N4BP1: variants seen among roughly 807,000 people sequenced by gnomAD.
The protein encoded by N4BP1 is NEDD4 binding protein 1, also known as NEDD4-binding protein 1.
A neutral mutation model predicts 70.9 loss-of-function variants in N4BP1; 21 were observed. The observed-to-expected ratio is 0.30, with a 90% CI of 0.21 to 0.43. N4BP1 has a LOEUF of 0.43. Among genes scored for constraint, N4BP1 ranks in the 20% least tolerant of loss-of-function variants. The pLI is 1.00. For synonymous variants in N4BP1, 387 were observed against 394.6 expected (o/e 0.98, Z 0.23); for missense variants, 936 against 1,069.4 (o/e 0.88, Z 1.74).
chr16:48,579,039 T>C (rs75870745), intron 1 of N4BP1, among the ~76,000 whole-genome samples: 4 of 140,464 alleles, frequency 2.8e-5, no homozygotes, highest in East Asian at 2.0e-4. Flanking sequence ...CCAAGAGACA[T>C]TGCTGGTTGT....
chr16:48,557,941 T>C (rs559786908), intron 2 of N4BP1, among the ~76,000 whole-genome samples: 19 of 152,216 alleles, frequency 1.2e-4, no homozygotes, highest in Admixed American at 2.0e-4. Context: ...AGCAACTGAT[T>C]TAAAATAAGG....
At chr16:48,551,301 A>C in intron 4 of N4BP1, 85 bp downstream of exon 4, 1 of 932,658 alleles carries the variant, frequency 1.1e-6, no homozygotes. Flanking sequence ...CAGGTCCTCT[A>C]AAAGTGTGGA....
chr16:48,600,552 T>A (rs1005215523), intron 1 of N4BP1: 2 of 579,804 alleles, frequency 3.4e-6, no homozygotes, highest in African/African-American at 1.9e-5. Context: ...AAGCAAAACA[T>A]CCATCTTATC....
chr16:48,585,587 G>A (rs915138080), intron 1 of N4BP1, among the ~76,000 whole-genome samples: 1 of 149,758 alleles, frequency 6.7e-6, no homozygotes, highest in African/African-American at 2.5e-5. Context: ...TGCCCAGACT[G>A]GAGTGCAGTG....
At chr16:48,589,056 A>C (rs1964292657) in intron 1 of N4BP1, among the ~76,000 whole-genome samples, 1 of 152,102 alleles carries the variant, frequency 6.6e-6, no homozygotes. Flanking sequence ...ATTACATTAT[A>C]ACTTGTAGAT....
Position 48,542,672 on chromosome 16 carries a change from T to C in N4BP1, c.*232A>G, listed in dbSNP as rs1963520549. 4.8e-6 allele frequency: 2 copies of C among 415,402 alleles called. No individual in the cohort carries two copies. The highest frequency in any genetic ancestry group is 4.0e-5 in the African/African-American group (2 of 49,420). 25.7% of individuals were successfully genotyped at this position (415,402 alleles called of 1,614,324 possible). On this transcript the variant is annotated 3_prime_UTR_variant, in exon 7 of 7. Transcript: ENST00000262384. The stretch of plus-strand genomic sequence containing the variant: ...AACAGTTCTGAACAGGCAGAAAATG[T>C]AGACTTTCCTTTAACAGAAAATGTT...
chr16:48,567,926 C>T (rs1963966172), intron 1 of N4BP1, among the ~76,000 whole-genome samples: 1 of 152,106 alleles, frequency 6.6e-6, no homozygotes, highest in Non-Finnish European at 1.5e-5. Context: ...ATCTCTTAAA[C>T]TCTCACATAC....
At chr16:48,566,928 T>A (rs1053217539) in intron 1 of N4BP1, among the ~76,000 whole-genome samples, 1 of 152,234 alleles carries the variant, frequency 6.6e-6, no homozygotes, top group African/African-American at 2.4e-5. Flanking sequence ...CATAATGTCT[T>A]CTTGAATTGA....
chr16:48,577,710 G>C (rs1277162134), intron 1 of N4BP1: 1 of 196,972 alleles, frequency 5.1e-6, no homozygotes, highest in African/African-American at 2.3e-5. Context: ...AGTTGCCCAG[G>C]GTGGCAGTGC....
chr16:48,559,685 T>A (rs1963823435), intron 2 of N4BP1: 1 of 152,240 alleles, frequency 6.6e-6, no homozygotes, highest in African/African-American at 2.4e-5. Flanking sequence ...GATGCCTGGA[T>A]AAGGCAAATG....
At chr16:48,600,133 T>C (rs1964473900) in intron 1 of N4BP1, 2 of 424,348 alleles carry the variant, frequency 4.7e-6, no homozygotes, top group African/African-American at 4.1e-5. Context: ...AGCTTGGCAT[T>C]TGGTTGGTGG....
chr16:48,607,860 ATTTGT>A (rs112473430), intron 1 of N4BP1, among the ~76,000 whole-genome samples: 53,905 of 151,348 alleles, frequency 0.36, 9,781 homozygotes, highest in African/African-American at 0.41. Context: ...TGGCTTTCTG[ATTTGT>A]TTTGTTTTGT....
intron 1 of N4BP1, among the ~76,000 whole-genome samples, chr16:48,593,775 C>T (rs1015421164): frequency 6.6e-6 from 1 of 151,948 alleles, no homozygotes; most frequent in East Asian, 1.9e-4. Flanking sequence ...TTTGGGAAGC[C>T]GAGGCAGGCG....
chr16:48,560,587 G>T, intron 2 of N4BP1, 167 bp downstream of exon 2: 1 of 785,756 alleles, frequency 1.3e-6, no homozygotes, highest in Non-Finnish European at 2.0e-6. Context: ...AAGATGGACT[G>T]ACAAAACCTT....
At chr16:48,584,578 G>A (rs1486585918) in intron 1 of N4BP1, among the ~76,000 whole-genome samples, 1 of 151,480 alleles carries the variant, frequency 6.6e-6, no homozygotes, top group Non-Finnish European at 1.5e-5. Context: ...AACTAAACAT[G>A]TAATACTTTA....
At chr16:48,583,854 A>C (rs138457096) in intron 1 of N4BP1, among the ~76,000 whole-genome samples, 14 of 152,242 alleles carry the variant, frequency 9.2e-5, no homozygotes, top group Non-Finnish European at 1.9e-4. Context: ...CATCTGCTTG[A>C]GCTACTAAAC....
At chr16:48,572,126 G>C (rs951972493) in intron 1 of N4BP1, among the ~76,000 whole-genome samples, 2 of 152,160 alleles carry the variant, frequency 1.3e-5, no homozygotes, top group African/African-American at 4.8e-5. Flanking sequence ...TTGAGCCCAG[G>C]AAGTCGAGGC....
chr16:48,545,056 C>T (rs1056107530), intron 6 of N4BP1, among the ~76,000 whole-genome samples: 4 of 152,016 alleles, frequency 2.6e-5, no homozygotes, highest in Admixed American at 2.0e-4. Flanking sequence ...CCTCCGCCTC[C>T]CAGGTTCAAG....
chr16:48,554,982 A>C (rs1963729363), intron 2 of N4BP1, among the ~76,000 whole-genome samples: 1 of 152,154 alleles, frequency 6.6e-6, no homozygotes, highest in African/African-American at 2.4e-5. Context: ...CTACCATGAG[A>C]CAACCCTCTT....
Sources: allele counts gnomAD v4.1 joint callset (sites outside exome capture counted in the v4.1 genomes callset), GRCh38; gene constraint gnomAD v4.1.1; transcripts MANE v1.5; gene names NCBI Gene and HGNC (gene_info 2026-07-23, HGNC 2026-07-21).